The following CIMAP3 variants were observed in gnomAD, a reference collection of about 807,000 sequenced individuals.
CIMAP3 encodes the protein ciliary microtubule-associated protein 3.
chr1:111,346,610 C>T, the CIMAP3 span: 2 of 1,613,486 alleles, frequency 1.2e-6, no homozygotes, highest in Non-Finnish European at 1.7e-6. Context: ...GCCTTCGTTT[C>T]CTTGGCAACG....
the CIMAP3 span, among the ~76,000 whole-genome samples, chr1:111,343,225 ATTAT>A: frequency 2.0e-5 from 3 of 152,168 alleles, no homozygotes; most frequent in African/African-American, 7.2e-5. Flanking sequence ...TGAATTGATT[ATTAT>A]TTAATTCAAT....
chr1:111,331,334 G>A, the CIMAP3 span, among the ~76,000 whole-genome samples: 1 of 152,106 alleles, frequency 6.6e-6, no homozygotes, highest in Non-Finnish European at 1.5e-5. Flanking sequence ...AATGCCCATA[G>A]TATGGACTTA....
At chr1:111,348,643 C>A in the CIMAP3 span, 1 of 1,588,124 alleles carries the variant, frequency 6.3e-7, no homozygotes, top group Non-Finnish European at 8.5e-7. Context: ...ACTTACTATC[C>A]CAGGTATGTC....
chr1:111,348,652 T>C, the CIMAP3 span: 1 of 1,575,862 alleles, frequency 6.3e-7, no homozygotes, highest in Non-Finnish European at 8.6e-7. Flanking sequence ...CCCAGGTATG[T>C]CTCCTCCCTT....
chr1:111,336,246 G>A, the CIMAP3 span, among the ~76,000 whole-genome samples: 13 of 152,094 alleles, frequency 8.5e-5, no homozygotes, highest in Non-Finnish European at 1.6e-4. Context: ...CCACAAAGAT[G>A]GGGAAAAAAC....
At chr1:111,336,270 T>A in the CIMAP3 span, among the ~76,000 whole-genome samples, 3 of 152,202 alleles carry the variant, frequency 2.0e-5, no homozygotes, top group East Asian at 5.8e-4. Flanking sequence ...GAAGAAAAAC[T>A]GGAAACTCTA....
At chr1:111,351,247 C>G in the CIMAP3 span, 1 of 1,518,650 alleles carries the variant, frequency 6.6e-7, no homozygotes, top group Non-Finnish European at 8.9e-7. Flanking sequence ...AGAAAACGTT[C>G]TTTCATTGCA....
At chr1:111,342,336 A>C in the CIMAP3 span, among the ~76,000 whole-genome samples, 1 of 152,240 alleles carries the variant, frequency 6.6e-6, no homozygotes, top group South Asian at 2.1e-4. Context: ...TAAGTTCTGT[A>C]CATGAGTGGA....
chr1:111,350,026 C>T, the CIMAP3 span: 1 of 1,130,740 alleles, frequency 8.8e-7, no homozygotes, highest in Non-Finnish European at 1.3e-6. Context: ...TAGGCCTAGT[C>T]CAGGGACGGC....
chr1:111,326,805 C>A, the CIMAP3 span, among the ~76,000 whole-genome samples: 393 of 152,188 alleles, frequency 2.6e-3, no homozygotes, highest in African/African-American at 8.9e-3. Context: ...AAGATGGTAT[C>A]TCATTGTGGT....
At chr1:111,350,160 G>T in the CIMAP3 span, 1 of 1,614,092 alleles carries the variant, frequency 6.2e-7, no homozygotes. Flanking sequence ...CCTGGCCAAT[G>T]AAATTTGGAT....
the CIMAP3 span, among the ~76,000 whole-genome samples, chr1:111,331,927 G>A: frequency 1.3e-5 from 2 of 152,260 alleles, no homozygotes; most frequent in East Asian, 3.9e-4. Context: ...TGTTCTAGGT[G>A]GAGTAGTAGT....
the CIMAP3 span, among the ~76,000 whole-genome samples, chr1:111,329,616 A>C: frequency 6.8e-6 from 1 of 147,550 alleles, no homozygotes; most frequent in Non-Finnish European, 1.5e-5. Context: ...ATGCAGTGGC[A>C]CAATCTCGGT....
At chr1:111,346,200 C>G in the CIMAP3 span, 1 of 156,066 alleles carries the variant, frequency 6.4e-6, no homozygotes, top group Middle Eastern at 3.3e-3. Context: ...AACTAGCTGT[C>G]AGCTCAACTC....
chr1:111,351,166 G>A, the CIMAP3 span: 1 of 574,738 alleles, frequency 1.7e-6, no homozygotes. Context: ...ATAATGTACA[G>A]TTTTTTTTTT....
chr1:111,333,377 G>A, the CIMAP3 span, among the ~76,000 whole-genome samples: 2 of 152,280 alleles, frequency 1.3e-5, no homozygotes, highest in South Asian at 4.1e-4. Flanking sequence ...CCCAGAGGAG[G>A]AAGCACTCCA....
At chr1:111,350,156 C>G in the CIMAP3 span, 35 of 1,613,894 alleles carry the variant, frequency 2.2e-5, no homozygotes, top group South Asian at 3.4e-4. Context: ...ATTGCCTGGC[C>G]AATGAAATTT....
the CIMAP3 span, chr1:111,349,562 A>C: frequency 6.6e-6 from 1 of 152,452 alleles, no homozygotes. Context: ...AAGGAAGTAG[A>C]AGCATTGAGT....
At chr1:111,334,625 A>T in the CIMAP3 span, among the ~76,000 whole-genome samples, 2 of 152,228 alleles carry the variant, frequency 1.3e-5, no homozygotes, top group Admixed American at 1.3e-4. Flanking sequence ...GTTTTAAGGG[A>T]ACTCAGTGAT....
Sources: gnomAD v4.1 joint callset for allele counts (sites outside exome capture counted in the v4.1 genomes callset) on GRCh38, gnomAD v4.1.1 for gene constraint, MANE v1.5 for transcripts, NCBI Gene and HGNC (gene_info 2026-07-23, HGNC 2026-07-21) for gene names.